The following CSNK2A2IP variants were observed in gnomAD, a reference collection of about 807,000 sequenced individuals.
CSNK2A2IP encodes the protein casein kinase II subunit alpha'-interacting protein.
the CSNK2A2IP span, among the ~76,000 whole-genome samples, chr3:88,435,088 G>A: frequency 1.3e-5 from 2 of 152,110 alleles, no homozygotes; most frequent in Non-Finnish European, 2.9e-5. Context: ...CCATGAGAAA[G>A]CAAAATACCA....
the CSNK2A2IP span, among the ~76,000 whole-genome samples, chr3:88,363,034 T>C: frequency 3.3e-3 from 495 of 152,264 alleles, 1 homozygote; most frequent in Non-Finnish European, 5.1e-3. Context: ...TGCTCCATTT[T>C]GACAGGGTGG....
At chr3:88,448,861 G>T in the CSNK2A2IP span, among the ~76,000 whole-genome samples, 1 of 152,166 alleles carries the variant, frequency 6.6e-6, no homozygotes, top group East Asian at 1.9e-4. Context: ...AACTGAGCTG[G>T]CTGTGTAACT....
chr3:88,402,465 A>C, the CSNK2A2IP span, among the ~76,000 whole-genome samples: 1 of 152,074 alleles, frequency 6.6e-6, no homozygotes, highest in Non-Finnish European at 1.5e-5. Flanking sequence ...ATGCAGAACT[A>C]TTCAATATTA....
At chr3:88,446,766 G>A in the CSNK2A2IP span, among the ~76,000 whole-genome samples, 9 of 152,208 alleles carry the variant, frequency 5.9e-5, no homozygotes, top group East Asian at 1.9e-4. Context: ...ACACACATTC[G>A]CACACATACA....
chr3:88,462,851 T>C, the CSNK2A2IP span, among the ~76,000 whole-genome samples: 26 of 152,346 alleles, frequency 1.7e-4, no homozygotes, highest in African/African-American at 6.0e-4. Context: ...TTGGAAATAC[T>C]ATTTGGAACC....
the CSNK2A2IP span, among the ~76,000 whole-genome samples, chr3:88,433,851 G>GCTT: frequency 7.8e-4 from 118 of 152,246 alleles, no homozygotes; most frequent in Admixed American, 1.8e-3. Flanking sequence ...AGAAATTGTT[G>GCTT]CTTCTGCTGC....
chr3:88,444,533 G>T, the CSNK2A2IP span, among the ~76,000 whole-genome samples: 2 of 152,094 alleles, frequency 1.3e-5, no homozygotes, highest in Non-Finnish European at 2.9e-5. Context: ...TGCCAAAGAT[G>T]ATATTTTAAG....
chr3:88,402,541 A>G, the CSNK2A2IP span, among the ~76,000 whole-genome samples: 2 of 152,122 alleles, frequency 1.3e-5, no homozygotes, highest in African/African-American at 2.4e-5. Flanking sequence ...GGATATGTTT[A>G]TATACAGCAG....
At chr3:88,407,124 C>A in the CSNK2A2IP span, among the ~76,000 whole-genome samples, 1 of 152,026 alleles carries the variant, frequency 6.6e-6, no homozygotes, top group Non-Finnish European at 1.5e-5. Flanking sequence ...GGCTCAGTAT[C>A]AATAGAAAAC....
the CSNK2A2IP span, among the ~76,000 whole-genome samples, chr3:88,441,315 CAAAT>C: frequency 5.3e-5 from 8 of 152,196 alleles, no homozygotes; most frequent in East Asian, 1.5e-3. Flanking sequence ...TATTTCTACT[CAAAT>C]AATATAGCTT....
At chr3:88,455,520 T>A in the CSNK2A2IP span, among the ~76,000 whole-genome samples, 1 of 151,988 alleles carries the variant, frequency 6.6e-6, no homozygotes, top group Non-Finnish European at 1.5e-5. Context: ...GAGAAACGTT[T>A]ATTCAGGTCC....
chr3:88,465,456 A>C, the CSNK2A2IP span: 11 of 1,231,576 alleles, frequency 8.9e-6, no homozygotes, highest in East Asian at 3.5e-4. Flanking sequence ...ATACAGGTGA[A>C]AAACTAAATC....
chr3:88,464,595 A>G, the CSNK2A2IP span, among the ~76,000 whole-genome samples: 86 of 152,192 alleles, frequency 5.7e-4, 1 homozygote, highest in African/African-American at 2.0e-3. Flanking sequence ...GGTGACAAAT[A>G]AGAACTAAAA....
At chr3:88,343,017 C>T in the CSNK2A2IP span, 3 of 151,924 alleles carry the variant, frequency 2.0e-5, no homozygotes, top group African/African-American at 4.8e-5. Flanking sequence ...GAGACATAAT[C>T]CAGGACAGCA....
chr3:88,358,304 C>T, the CSNK2A2IP span, among the ~76,000 whole-genome samples: 2 of 151,964 alleles, frequency 1.3e-5, no homozygotes, highest in Non-Finnish European at 2.9e-5. Context: ...TTTTTCTTTT[C>T]CAATTTGGGT....
the CSNK2A2IP span, among the ~76,000 whole-genome samples, chr3:88,347,974 G>C: frequency 1.3e-5 from 2 of 151,828 alleles, no homozygotes; most frequent in African/African-American, 2.4e-5. Context: ...AGAATATAAA[G>C]AAATAGTACC....
chr3:88,370,586 C>CTCTTTCTT, the CSNK2A2IP span, among the ~76,000 whole-genome samples: 41 of 140,794 alleles, frequency 2.9e-4, no homozygotes, highest in Admixed American at 2.2e-3. Context: ...CTTTCTCTCT[C>CTCTTTCTT]TCTTTCTTTC....
At chr3:88,360,423 G>A in the CSNK2A2IP span, among the ~76,000 whole-genome samples, 3 of 152,130 alleles carry the variant, frequency 2.0e-5, no homozygotes, top group Non-Finnish European at 4.4e-5. Context: ...GTGAGCCACT[G>A]CGCCCGGCCA....
chr3:88,411,949 A>C, the CSNK2A2IP span, among the ~76,000 whole-genome samples: 1 of 151,758 alleles, frequency 6.6e-6, no homozygotes, highest in African/African-American at 2.4e-5. Flanking sequence ...AAATGTGCTG[A>C]CTAGAAAGTT....
Sources: gnomAD v4.1 joint callset for allele counts (sites outside exome capture counted in the v4.1 genomes callset) on GRCh38, gnomAD v4.1.1 for gene constraint, MANE v1.5 for transcripts, NCBI Gene and HGNC (gene_info 2026-07-23, HGNC 2026-07-21) for gene names.